Variants in TRDN observed in about 807,000 individuals in gnomAD.
TRDN encodes triadin, also known as triadin in skeletal muscle.
TRDN carries 161 observed loss-of-function variants against 149.7 expected under a neutral mutation model. The observed-to-expected ratio is 1.08, with a 90% CI of 0.95 to 1.23. TRDN has a LOEUF of 1.23. Among genes scored for constraint, TRDN ranks in the 50% most tolerant of loss-of-function variants. TRDN has a pLI of 0.00. For synonymous variants in TRDN, 294 were observed against 250.5 expected, an observed-to-expected ratio of 1.17 and a Z score of -1.64; for missense variants, 896 against 823.5, an observed-to-expected ratio of 1.09 and a Z score of -1.08.
intron 12 of TRDN, among the ~76,000 whole-genome samples, chr6:123,395,365 G>C: frequency 6.6e-6 from 1 of 152,118 alleles, no homozygotes. Flanking sequence ...TGGTTTCTCT[G>C]TCAGCTGCTT....
At chr6:123,569,176 G>C (rs1782435585) in intron 2 of TRDN, among the ~76,000 whole-genome samples, 1 of 152,288 alleles carries the variant, frequency 6.6e-6, no homozygotes, top group African/African-American at 2.4e-5. Flanking sequence ...GATCCCTAGG[G>C]CATGAAAAGA....
At chr6:123,249,709 T>C (rs933537000) in intron 38 of TRDN, among the ~76,000 whole-genome samples, 1 of 152,144 alleles carries the variant, frequency 6.6e-6, no homozygotes, top group Non-Finnish European at 1.5e-5. Flanking sequence ...CATTATCACT[T>C]ACAAGTGGGA....
intron 32 of TRDN, 106 bp from the exon 33 acceptor site, chr6:123,265,444 A>C: frequency 3.0e-6 from 2 of 669,132 alleles, no homozygotes; most frequent in Non-Finnish European, 4.7e-6. Flanking sequence ...TTGTAAAAAT[A>C]AGACTAAACT....
At chr6:123,325,135 A>T (rs1779392638) in intron 23 of TRDN, among the ~76,000 whole-genome samples, 3 of 152,100 alleles carry the variant, frequency 2.0e-5, no homozygotes, top group Non-Finnish European at 4.4e-5. Context: ...AGTTTTGCTA[A>T]TATATTCCAA....
intron 19 of TRDN, among the ~76,000 whole-genome samples, chr6:123,366,829 A>G (rs1781121913): frequency 6.6e-6 from 1 of 152,082 alleles, no homozygotes; most frequent in Admixed American, 6.6e-5. Context: ...TAGTCTACAA[A>G]TTTTAAGTTA....
At chr6:123,631,010 A>T (rs1336368274) in intron 1 of TRDN, among the ~76,000 whole-genome samples, 2 of 151,880 alleles carry the variant, frequency 1.3e-5, no homozygotes, top group Non-Finnish European at 2.9e-5. Flanking sequence ...CCATGCACTT[A>T]CTACTCTATC....
chr6:123,554,202 T>C (rs962805052), intron 2 of TRDN, among the ~76,000 whole-genome samples: 1 of 152,142 alleles, frequency 6.6e-6, no homozygotes, highest in Non-Finnish European at 1.5e-5. Flanking sequence ...TTTAATGTCA[T>C]GAATGCTACC....
chr6:123,400,548 C>A (rs1324429569), intron 12 of TRDN, among the ~76,000 whole-genome samples: 2 of 152,132 alleles, frequency 1.3e-5, no homozygotes, highest in East Asian at 1.9e-4. Flanking sequence ...GCTGATCTGA[C>A]AGGAGATGGA....
At chr6:123,332,750 C>A (rs1002283897) in intron 22 of TRDN, among the ~76,000 whole-genome samples, 5 of 151,988 alleles carry the variant, frequency 3.3e-5, no homozygotes, top group Admixed American at 6.6e-5. Flanking sequence ...GCCCCTTTTT[C>A]TATTCCCACC....
intron 1 of TRDN, among the ~76,000 whole-genome samples, chr6:123,608,681 T>G (rs1784637694): frequency 6.6e-6 from 1 of 152,166 alleles, no homozygotes; most frequent in South Asian, 2.1e-4. Context: ...TTCACAGTAT[T>G]GGAAAAGGTA....
intron 10 of TRDN, among the ~76,000 whole-genome samples, chr6:123,440,150 G>A (rs1010494048): frequency 9.2e-5 from 14 of 152,074 alleles, no homozygotes; most frequent in Non-Finnish European, 1.2e-4. Flanking sequence ...TTACCTACAA[G>A]ATCAAAGACA....
chr6:123,447,909 C>G (rs778032047), intron 10 of TRDN, among the ~76,000 whole-genome samples: 1 of 152,102 alleles, frequency 6.6e-6, no homozygotes, highest in South Asian at 2.1e-4. Flanking sequence ...CCTCAAATAC[C>G]GAGAGTGCCC....
At chr6:123,582,091 G>T (rs1783147770) in intron 1 of TRDN, among the ~76,000 whole-genome samples, 1 of 152,082 alleles carries the variant, frequency 6.6e-6, no homozygotes, top group South Asian at 2.1e-4. Flanking sequence ...ACATTTTAGG[G>T]GGACAAAAGT....
intron 2 of TRDN, among the ~76,000 whole-genome samples, chr6:123,553,373 G>A (rs1015507873): frequency 7.9e-5 from 12 of 152,022 alleles, no homozygotes; most frequent in Non-Finnish European, 1.2e-4. Flanking sequence ...CAACTAAGAG[G>A]TGGAGTCTCT....
chr6:123,262,176 G>A (rs1776795890), intron 33 of TRDN, among the ~76,000 whole-genome samples: 1 of 151,680 alleles, frequency 6.6e-6, no homozygotes, highest in African/African-American at 2.4e-5. Context: ...ATGTACCTCA[G>A]GGCTTTAAAA....
intron 24 of TRDN, among the ~76,000 whole-genome samples, chr6:123,306,895 G>GA (rs35757348): frequency 0.19 from 28,092 of 149,708 alleles, 3,486 homozygotes; most frequent in East Asian, 0.65. Flanking sequence ...AAGGGGTAAA[G>GA]AAAAAAAAAG....
intron 38 of TRDN, among the ~76,000 whole-genome samples, chr6:123,225,861 T>G (rs188413700): frequency 4.0e-5 from 6 of 151,784 alleles, no homozygotes; most frequent in African/African-American, 1.4e-4. Flanking sequence ...GCAATTCTAA[T>G]GCAATATAAC....
In TRDN at chr6:123,227,229, G is replaced by A. The variant is rs9490707; in HGVS notation, c.1976-3098C>T. Among the ~76,000 whole-genome samples the A allele has an allele frequency of 7.9e-3, 1,195 of 151,950 alleles. 19 individuals carry two copies. The highest frequency in any genetic ancestry group is 0.028 in the African/African-American group (1,143 of 41,522). ...CAAGTGTTCTAATAGCACAGAAATA[G>A]TACATTCTCCAAGTAGGAGTCACTG... is the stretch of plus-strand genomic sequence containing the variant. On this transcript the variant is annotated intron_variant, in intron 38 of 40. Transcript: ENST00000334268.
intron 1 of TRDN, among the ~76,000 whole-genome samples, chr6:123,619,170 T>C (rs534907329): frequency 6.6e-6 from 1 of 152,326 alleles, no homozygotes; most frequent in Admixed American, 6.5e-5. Flanking sequence ...ATGTATTATC[T>C]GTAGCTGCAT....
Sources: gnomAD v4.1 joint callset for allele counts (sites outside exome capture counted in the v4.1 genomes callset) on GRCh38, gnomAD v4.1.1 for gene constraint, MANE v1.5 for transcripts, NCBI Gene and HGNC (gene_info 2026-07-23, HGNC 2026-07-21) for gene names.